NCKAP5: variants seen among roughly 807,000 people sequenced by gnomAD.
NCKAP5 encodes NCK associated protein 5, also known as nck-associated protein 5.
NCKAP5 carries 92 observed loss-of-function variants against 167.0 expected under a neutral mutation model. That is an observed-to-expected ratio of 0.55 (90% CI 0.47 to 0.66). NCKAP5 has a LOEUF of 0.66. Ranked by LOEUF, NCKAP5 falls within the 30% of genes least tolerant of loss-of-function variation. The pLI, the probability that NCKAP5 is intolerant of heterozygous loss-of-function variation, is 0.00. For synonymous variants in NCKAP5, 891 were observed against 877.4 expected, an observed-to-expected ratio of 1.02 and a Z score of -0.27; for missense variants, 2,378 against 2,315.0, an observed-to-expected ratio of 1.03 and a Z score of -0.56.
chr2:132,758,574 T>C (rs911772817), intron 16 of NCKAP5, among the ~76,000 whole-genome samples: 8 of 152,220 alleles, frequency 5.3e-5, no homozygotes, highest in Admixed American at 2.0e-4. Context: ...CCACAACCTC[T>C]GTTTTTAGCT....
At chr2:133,656,282 A>G in the NCKAP5 span, among the ~76,000 whole-genome samples, 36 of 152,350 alleles carry the variant, frequency 2.4e-4, 1 homozygote, top group African/African-American at 8.7e-4. Flanking sequence ...CAAAAAAAAA[A>G]AAAAACCATC....
At chr2:133,235,445 CA>C (rs1279744453) in intron 4 of NCKAP5, among the ~76,000 whole-genome samples, 1 of 152,094 alleles carries the variant, frequency 6.6e-6, no homozygotes, top group East Asian at 1.9e-4. Context: ...CTCCTGAGTA[CA>C]AAAAGGCAGG....
chr2:133,596,088 C>T, the NCKAP5 span: 2 of 152,862 alleles, frequency 1.3e-5, no homozygotes, highest in Non-Finnish European at 2.9e-5. Flanking sequence ...TATACAAAAA[C>T]GTGGATGTGA....
chr2:133,604,093 G>A, the NCKAP5 span, among the ~76,000 whole-genome samples: 5 of 152,336 alleles, frequency 3.3e-5, no homozygotes, highest in African/African-American at 9.6e-5. Flanking sequence ...GGAGTTGTGC[G>A]AGGTAGGTAA....
At chr2:133,547,121 G>A (rs376237701) in intron 2 of NCKAP5, among the ~76,000 whole-genome samples, 65 of 152,302 alleles carry the variant, frequency 4.3e-4, no homozygotes, top group African/African-American at 1.2e-3. Flanking sequence ...GGTGACGGAC[G>A]CACCTGGAAA....
At chr2:133,408,199 T>G (rs1240499802) in intron 3 of NCKAP5, among the ~76,000 whole-genome samples, 1 of 152,196 alleles carries the variant, frequency 6.6e-6, no homozygotes, top group Non-Finnish European at 1.5e-5. Flanking sequence ...ATGATGATGA[T>G]GAGGAGAGGC....
At chr2:132,846,461 C>T (rs898794559) in intron 11 of NCKAP5, among the ~76,000 whole-genome samples, 5 of 151,998 alleles carry the variant, frequency 3.3e-5, no homozygotes, top group Admixed American at 2.0e-4. Context: ...TGACCCACCA[C>T]GCCCGGCTAA....
At chr2:133,608,332 AAG>A in the NCKAP5 span, among the ~76,000 whole-genome samples, 5 of 152,224 alleles carry the variant, frequency 3.3e-5, no homozygotes, top group African/African-American at 1.2e-4. Flanking sequence ...AAAGGATCTT[AAG>A]AGAGGTTAGC....
chr2:133,234,331 A>T (rs1451777061), intron 4 of NCKAP5, among the ~76,000 whole-genome samples: 4 of 152,232 alleles, frequency 2.6e-5, no homozygotes, highest in Non-Finnish European at 5.9e-5. Flanking sequence ...AACAAAGATG[A>T]TCTGAACACA....
At chr2:133,381,484 C>T (rs1686518312) in intron 3 of NCKAP5, 1 of 152,220 alleles carries the variant, frequency 6.6e-6, no homozygotes, top group Non-Finnish European at 1.5e-5. Context: ...GAACTGCTCC[C>T]TCTATCCAGA....
At chr2:132,780,966 T>C (rs996470663) in intron 15 of NCKAP5, 86 bp downstream of exon 15, 3 of 1,363,812 alleles carry the variant, frequency 2.2e-6, no homozygotes, top group Non-Finnish European at 3.0e-6. Context: ...CTCTTACCCA[T>C]ACATTTTCAT....
chr2:132,765,308 C>CTT lies in NCKAP5; in HGVS notation c.5128+8506_5128+8507dup, dbSNP rs1170247644. Reference sequence around the variant, plus strand: ...TGTTTTCCTATGGATTTCTTTCTTTCTTTTTTTTTTTTTTTTTTTTTGAGA... The same window carrying CTT: ...TGTTTTCCTATGGATTTCTTTCTTTCTTTTTTTTTTTTTTTTTTTTTTTGAGA... On this transcript the variant is annotated intron_variant, in intron 16 of 19. Transcript: ENST00000409261. Among the ~76,000 whole-genome samples the CTT allele has an allele frequency of 2.0e-3, 227 of 114,228 alleles. 2 individuals are homozygous for CTT. The highest frequency in any genetic ancestry group is 0.011 in the Middle Eastern group (2 of 186). The allele number at this position is 114,228 out of a possible 152,430, so 74.9% of individuals were successfully genotyped here.
chr2:133,645,313 A>C, the NCKAP5 span, among the ~76,000 whole-genome samples: 19 of 152,214 alleles, frequency 1.2e-4, no homozygotes, highest in African/African-American at 4.3e-4. Flanking sequence ...ATTATAAACA[A>C]AATTCAATTA....
chr2:132,777,089 T>C (rs1487547854), intron 15 of NCKAP5, among the ~76,000 whole-genome samples: 1 of 152,168 alleles, frequency 6.6e-6, no homozygotes, highest in Non-Finnish European at 1.5e-5. Context: ...AAGTAGAAGG[T>C]GACTCACAAG....
chr2:133,432,943 C>A (rs1690248627), intron 3 of NCKAP5, among the ~76,000 whole-genome samples: 1 of 152,102 alleles, frequency 6.6e-6, no homozygotes, highest in African/African-American at 2.4e-5. Context: ...TTTTTGTGAT[C>A]TCTCCATATG....
At chr2:133,166,716 G>A (rs1263344271) in intron 5 of NCKAP5, among the ~76,000 whole-genome samples, 7 of 152,008 alleles carry the variant, frequency 4.6e-5, no homozygotes, top group South Asian at 2.1e-4. Flanking sequence ...CTTTCATTTC[G>A]GCACAGTCTT....
intron 12 of NCKAP5, 78 bp downstream of exon 12, chr2:132,796,550 G>T: frequency 1.0e-6 from 1 of 957,336 alleles, no homozygotes; most frequent in Non-Finnish European, 1.6e-6. Flanking sequence ...GCACTTTATG[G>T]TTCGCTTGTG....
At chr2:133,364,911 C>T (rs1427890329) in intron 3 of NCKAP5, among the ~76,000 whole-genome samples, 3 of 151,944 alleles carry the variant, frequency 2.0e-5, no homozygotes, top group Non-Finnish European at 2.9e-5. Flanking sequence ...CCACCATGCT[C>T]GGCTAATTTT....
chr2:132,900,603 T>A (rs1024410460), intron 8 of NCKAP5, among the ~76,000 whole-genome samples: 4 of 152,126 alleles, frequency 2.6e-5, no homozygotes, highest in Non-Finnish European at 5.9e-5. Flanking sequence ...ATTAGAAGGG[T>A]TTGAGGTATC....
Sources: allele counts gnomAD v4.1 joint callset (sites outside exome capture counted in the v4.1 genomes callset), GRCh38; gene constraint gnomAD v4.1.1; transcripts MANE v1.5; gene names NCBI Gene and HGNC (gene_info 2026-07-23, HGNC 2026-07-21).